The following NOL7 variants were observed in gnomAD, a reference collection of about 807,000 sequenced individuals.
NOL7 encodes nucleolar protein 7.
NOL7 carries 36 observed loss-of-function variants against 38.4 expected under a neutral mutation model. The observed-to-expected ratio is 0.94, with a 90% CI of 0.72 to 1.24. The LOEUF (loss-of-function observed/expected upper bound fraction) is 1.24. NOL7 is among the 50% of genes most tolerant of loss of function. The pLI is 0.00. For missense variants in NOL7, 350 were observed against 315.1 expected, an observed-to-expected ratio of 1.11 and a Z score of -0.84; for synonymous variants, 142 against 126.5, an observed-to-expected ratio of 1.12 and a Z score of -0.82.
At position 13,626,832 on chromosome 6, in the gene NOL7, T is replaced by C. The variant is rs886592538; in HGVS notation, n.574-5561T>C. Among the ~76,000 whole-genome samples the C allele has an allele frequency of 2.6e-5, 4 of 152,334 alleles. No homozygotes were observed. In the East Asian group the frequency reaches 5.8e-4, roughly 22 times the overall value. On this transcript the variant is annotated intron_variant and non_coding_transcript_variant, in intron 8 of 8. Transcript: ENST00000474485. ...CCATTTTCCATCATTTCTCTAGTTA[T>C]CTTACTAGTGTTATGAAAGCAGAGG... is the stretch of plus-strand genomic sequence containing the variant.
At chr6:13,615,961 G>T (rs1020168643) in intron 2 of NOL7, among the ~76,000 whole-genome samples, 189 bp downstream of exon 2, 1 of 151,856 alleles carries the variant, frequency 6.6e-6, no homozygotes, top group African/African-American at 2.4e-5. Context: ...GGCGGAGCCC[G>T]GGATGTCGAG....
At chr6:13,617,084 C>G (rs111890107) in intron 3 of NOL7, among the ~76,000 whole-genome samples, 4 of 152,198 alleles carry the variant, frequency 2.6e-5, no homozygotes, top group African/African-American at 9.6e-5. Context: ...ATTCAGCCCC[C>G]TTTTGCTTAG....
chr6:13,617,295 G>A (rs1764318457), intron 3 of NOL7, among the ~76,000 whole-genome samples: 1 of 149,954 alleles, frequency 6.7e-6, no homozygotes, highest in African/African-American at 2.5e-5. Context: ...TTTCTCCTGT[G>A]CAAATGCTTC....
chr6:13,623,954 TATC>T (rs1156780819), downstream of NOL7, among the ~76,000 whole-genome samples: 1 of 152,174 alleles, frequency 6.6e-6, no homozygotes, highest in Admixed American at 6.6e-5. Context: ...TAAAGATTAG[TATC>T]ATCTAATAAT....
chr6:13,620,060 A>C (rs920888806), intron 5 of NOL7, 148 bp from the exon 6 acceptor site: 2 of 769,986 alleles, frequency 2.6e-6, no homozygotes, highest in African/African-American at 3.5e-5. Flanking sequence ...AGGCTGAGGC[A>C]GGCAAGTTGC....
rs755709473 is a variant in NOL7 at position 13,620,482 on chromosome 6, TG to T, written c.700+1del. 3.7e-6 allele frequency: 6 copies of T among 1,613,252 alleles called. No individual in the cohort carries two copies. The East Asian group carries it at 1.3e-4, about 36-fold the overall frequency. ...RAAVQFLNNA[W>X]GIQKKQNAKR... ...TGCTGTCCAGTTTTTGAATAATGCT[TG>T]GGGTAAGATCCAGCTTTATTCTCCT... On this transcript the variant is annotated frameshift_variant and splice_region_variant, in exon 7 of 8. Transcript: ENST00000451315. LOFTEE classifies it high-confidence loss of function.
chr6:13,622,182 C>T (rs1764469875), downstream of NOL7: 1 of 514,774 alleles, frequency 1.9e-6, no homozygotes. Context: ...AAAATAATTT[C>T]TCCTAACACT....
chr6:13,615,482 A>C lies in NOL7; in HGVS notation c.124A>C (p.Ser42Arg), dbSNP rs1168699257. The C allele has an allele frequency of 6.4e-7, 1 of 1,551,724 alleles. No individual in the cohort carries two copies. The highest frequency in any genetic ancestry group is 2.4e-5 in the East Asian group (1 of 40,998). Residue 42 changes from serine to arginine, a missense_variant, in exon 1 of 8, where the codon AGC (serine) becomes CGC (arginine). Physicochemically the swap from Ser to Arg is moderately radical, Grantham distance 110 (BLOSUM62 -1). Transcript: ENST00000451315. Reference protein sequence around the residue: ...EHGLLLGQPSSGAAAEPLEED... With the variant: ...EHGLLLGQPSRGAAAEPLEED... Reference sequence around the variant, plus strand: ...CGGGCTGTTGCTCGGGCAGCCCAGCAGCGGCGCGGCCGCCGAGCCCCTGGA... The same window carrying C: ...CGGGCTGTTGCTCGGGCAGCCCAGCCGCGGCGCGGCCGCCGAGCCCCTGGA...
In NOL7 at chr6:13,615,393, C is replaced by T. The variant is rs1355156743; in HGVS notation, c.35C>T (p.Pro12Leu). 43 of 1,528,558 alleles carry T rather than the reference C, an allele frequency of 2.8e-5. No homozygotes were observed. Among genetic ancestry groups the T allele is most frequent in the East Asian group, 9.8e-5 (4 of 40,794 alleles). 94.7% of individuals were successfully genotyped at this position (1,528,558 alleles called of 1,614,324 possible). A position where few individuals can be genotyped will look rare whatever the true frequency, so the allele number is the denominator to read the frequency against. The stretch of plus-strand genomic sequence containing the variant: ...CTCCGACCGCGAGCGTCTCGCGCCC[C>T]GGCGTCGGCGGAGGCGATGGTGGAC... ...VQLRPRASRA[P>L]ASAEAMVDEG... is the part of the protein sequence containing the mutation. The change falls in exon 1 of 8, where the codon CCG becomes CTG. Residue 12 changes from proline to leucine, a missense_variant. Coordinates refer to ENST00000451315, the MANE Select transcript of NOL7 (RefSeq NM_016167.5).
intron 8 of NOL7, among the ~76,000 whole-genome samples, chr6:13,631,148 TA>T (rs1396217959): frequency 1.3e-5 from 2 of 152,198 alleles, no homozygotes; most frequent in Non-Finnish European, 2.9e-5. Context: ...AATTATCAAT[TA>T]TTTTTTATCT....
At chr6:13,623,487 CAA>C (rs1306453925), downstream of NOL7, among the ~76,000 whole-genome samples, 3 of 152,072 alleles carry the variant, frequency 2.0e-5, no homozygotes, top group Non-Finnish European at 4.4e-5. Context: ...GAAGAGAAAA[CAA>C]AAACAGGATT....
downstream of NOL7, among the ~76,000 whole-genome samples, chr6:13,626,672 G>A (rs1028005564): frequency 1.3e-5 from 2 of 152,112 alleles, no homozygotes; most frequent in Non-Finnish European, 2.9e-5. Flanking sequence ...AATTTGGAAG[G>A]CAGACATGGA....
chr6:13,620,782 G>A lies in NOL7; in HGVS notation c.729G>A (p.Arg243=), dbSNP rs757352608. ...TCCAAAAAAAACAAAATGCCAAGAG[G>A]TTTAAAAGACGGTGGATGGTCAGAA... ...WGIQKKQNAK[R]FKRRWMVRKM... The change falls in exon 8 of 8, where the codon AGG becomes AGA. Residue 243 remains arginine, a synonymous_variant. Coordinates refer to ENST00000451315, the MANE Select transcript of NOL7 (RefSeq NM_016167.5). 1.2e-6 allele frequency: 2 copies of A among 1,603,916 alleles called. No individual in the cohort carries two copies. Among genetic ancestry groups the A allele is most frequent in the Non-Finnish European group, 1.7e-6 (2 of 1,175,354 alleles).
Position 13,617,758 on chromosome 6 carries a change from T to G in NOL7, c.387-12T>G. 1 of 1,613,610 alleles carries G rather than the reference T, an allele frequency of 6.2e-7. No individual in the cohort carries two copies. Among genetic ancestry groups the G allele is most frequent in the Non-Finnish European group, 8.5e-7 (1 of 1,179,548 alleles). ...TGCCATTGCAGTCAGTGGTTTTGTT[T>G]TTTTTCCTTAGCATCAAGAAATCGC... is the stretch of plus-strand genomic sequence containing the variant. On this transcript the variant is annotated splice_polypyrimidine_tract_variant and intron_variant, in intron 3 of 7. Coordinates refer to ENST00000451315, the MANE Select transcript of NOL7 (RefSeq NM_016167.5).
chr6:13,632,088 GTTGATAAGCACTAGCAC>G, intron 8 of NOL7, among the ~76,000 whole-genome samples: 1 of 113,368 alleles, frequency 8.8e-6, no homozygotes, highest in East Asian at 2.9e-4. Flanking sequence ...GACACACAAT[GTTGATAAGCACTAGCAC>G]TGGGATTTAA....
chr6:13,625,718 A>T (rs1364005345), downstream of NOL7: 1 of 1,613,122 alleles, frequency 6.2e-7, no homozygotes, highest in Admixed American at 1.7e-5. Context: ...CTGATTTCCA[A>T]CTGGGCTGTT....
chr6:13,618,881 A>T (rs1764358939), intron 5 of NOL7, among the ~76,000 whole-genome samples: 1 of 152,054 alleles, frequency 6.6e-6, no homozygotes, highest in African/African-American at 2.4e-5. Context: ...ACAGAGTGAG[A>T]CCCTGTCTCA....
At chr6:13,629,174 A>C (rs980347433) in intron 8 of NOL7, among the ~76,000 whole-genome samples, 3 of 152,164 alleles carry the variant, frequency 2.0e-5, no homozygotes, top group African/African-American at 7.2e-5. Flanking sequence ...GCAGTGGTGC[A>C]ATCACAGCTC....
chr6:13,615,875 A>G (rs1039449017), intron 2 of NOL7, 103 bp downstream of exon 2: 7 of 1,172,990 alleles, frequency 6.0e-6, no homozygotes, highest in African/African-American at 4.6e-5. Flanking sequence ...GTGGGGAAAC[A>G]GTCACCAAGA....
Sources: allele counts gnomAD v4.1 joint callset (sites outside exome capture counted in the v4.1 genomes callset), GRCh38; gene constraint gnomAD v4.1.1; transcripts MANE v1.5; gene names NCBI Gene and HGNC (gene_info 2026-07-23, HGNC 2026-07-21).